Variants in MSMO1 observed in about 807,000 individuals in gnomAD.
MSMO1 encodes the protein C-4 methylsterol oxidase.
A neutral mutation model predicts 30.4 loss-of-function variants in MSMO1; 18 were observed. The ratio of observed to expected loss-of-function variants is 0.59; its 90% confidence interval spans 0.41 to 0.88. MSMO1 has a LOEUF of 0.88. Among genes scored for constraint, MSMO1 ranks in the 40% least tolerant of loss-of-function variants. The pLI, the probability that MSMO1 is intolerant of heterozygous loss-of-function variation, is 0.00. For missense variants in MSMO1, 284 were observed against 340.5 expected, an observed-to-expected ratio of 0.83 and a Z score of 1.31; for synonymous variants, 84 against 107.9, an observed-to-expected ratio of 0.78 and a Z score of 1.37.
Position 165,333,316 on chromosome 4 carries a change from TTATA to T in MSMO1, c.-31-20_-31-17del, listed in dbSNP as rs1055382368. The T allele has an allele frequency of 7.6e-5, 119 of 1,571,292 alleles. 3 individuals carry two copies. In the African/African-American group the frequency reaches 1.4e-3, roughly 18 times the overall value. On this transcript the variant is annotated intron_variant, in intron 1 of 5. Coordinates refer to ENST00000261507, the MANE Select transcript of MSMO1 (RefSeq NM_006745.5). ...TTTTGAAAGCTCATTGTTTAACTTA[TTATA>T]TATGTATTCATTTCTACAGAATTAT... is the stretch of plus-strand genomic sequence containing the variant.
rs1184902613 is a variant in MSMO1 at position 165,342,371 on chromosome 4, T to C, written c.*425T>C. 1 of 154,896 alleles carries C rather than the reference T, an allele frequency of 6.5e-6. No individual in the cohort carries two copies. The highest frequency in any genetic ancestry group is 1.4e-5 in the Non-Finnish European group (1 of 70,158). 9.6% of individuals were successfully genotyped at this position (154,896 alleles called of 1,614,324 possible). A position where few individuals can be genotyped will look rare whatever the true frequency, so the allele number is the denominator to read the frequency against. Reference sequence around the variant, plus strand: ...TTATATTTAACTTTTTTTTTATTTTTTTTTTGAGACAAAGCCACACTCTGT... The same window carrying C: ...TTATATTTAACTTTTTTTTTATTTTCTTTTTGAGACAAAGCCACACTCTGT... On this transcript the variant is annotated 3_prime_UTR_variant, in exon 6 of 6. Coordinates refer to ENST00000261507, the MANE Select transcript of MSMO1 (RefSeq NM_006745.5).
intron 1 of MSMO1, among the ~76,000 whole-genome samples, chr4:165,329,590 G>A (rs1363161883): frequency 1.5e-5 from 2 of 137,892 alleles, no homozygotes; most frequent in South Asian, 2.2e-4. Flanking sequence ...AAAAAAAAAA[G>A]GTTTATTGGA....
At position 165,333,528 on chromosome 4, in the gene MSMO1, G is replaced by T; in HGVS notation, c.158G>T (p.Gly53Val). Residue 53 changes from glycine (G) to valine (V), a missense_variant, in exon 2 of 6, where the codon GGA (glycine) becomes GTA (valine). By Grantham distance (109) the Gly-to-Val change is moderately radical. Coordinates refer to ENST00000261507, the MANE Select transcript of MSMO1 (RefSeq NM_006745.5). ...NYTKFQIATWGSLIVHEALYF... is the reference protein window; with the variant it reads ...NYTKFQIATWVSLIVHEALYF... ...ACAAAGTTCCAGATTGCAACATGGG[G>T]ATCCCTTATAGTTCATGAAGCCCTT... 1 of 1,613,428 alleles carries T rather than the reference G, an allele frequency of 6.2e-7. No individual in the cohort carries two copies. Among genetic ancestry groups the T allele is most frequent in the Admixed American group, 1.7e-5 (1 of 59,980 alleles).
Position 165,342,010 on chromosome 4 carries a change from A to G in MSMO1, c.*64A>G. On this transcript the variant is annotated 3_prime_UTR_variant, in exon 6 of 6. Transcript: ENST00000261507. The stretch of plus-strand genomic sequence containing the variant: ...CTGAATTCAGAAACTAGTAGCTAAC[A>G]TTGCTTCTGGAGAGCAGAAATAAGC... The G allele has an allele frequency of 4.5e-6, 6 of 1,342,768 alleles. No homozygotes were observed. The highest frequency in any genetic ancestry group is 3.5e-5 in the Admixed American group (2 of 56,462). The allele number at this position is 1,342,768 out of a possible 1,614,324, so 83.2% of individuals were successfully genotyped here. A position where few individuals can be genotyped will look rare whatever the true frequency, so the allele number is the denominator to read the frequency against.
At position 165,333,434 on chromosome 4, in the gene MSMO1, T is replaced by C. The variant is rs1175769434; in HGVS notation, c.64T>C (p.Ser22Pro). Residue 22 changes from serine (S) to proline (P), a missense_variant, in exon 2 of 6, where the codon TCA becomes CCA. Ser to Pro is a moderately conservative substitution (Grantham distance 74). Coordinates refer to ENST00000261507, the MANE Select transcript of MSMO1 (RefSeq NM_006745.5). ...ATCCTTGGCTGTGGAATATGTAGAT[T>C]CACTTTTACCTGAGAATCCTCTGCA... ...SASLAVEYVD[S>P]LLPENPLQEP... The C allele has an allele frequency of 6.2e-7, 1 of 1,612,170 alleles. No homozygotes were observed. The highest frequency in any genetic ancestry group is 8.5e-7 in the Non-Finnish European group (1 of 1,179,730).
intron 1 of MSMO1, among the ~76,000 whole-genome samples, chr4:165,332,908 C>T (rs1201212017): frequency 1.3e-5 from 2 of 152,180 alleles, no homozygotes; most frequent in South Asian, 2.1e-4. Context: ...TTTCTATTCC[C>T]CAGTAGGAGG....
Position 165,333,597 on chromosome 4 carries a change from C to T in MSMO1, c.227C>T (p.Pro76Leu). The T allele has an allele frequency of 6.3e-7, 1 of 1,595,820 alleles. No homozygotes were observed. The highest frequency in any genetic ancestry group is 8.5e-7 in the Non-Finnish European group (1 of 1,171,828). The stretch of plus-strand genomic sequence containing the variant: ...CCTGGATTTTTATTTCAATTTATAC[C>T]TTATATGAAAAAATACAAAATTCAA... The part of the protein sequence containing the change: ...CLPGFLFQFI[P>L]YMKKYKIQKD... Residue 76 changes from proline (P) to leucine (L), a missense_variant, in exon 2 of 6, where the codon CCT becomes CTT. Pro to Leu is a moderately conservative substitution (Grantham distance 98, BLOSUM62 -3). Coordinates refer to ENST00000261507, the MANE Select transcript of MSMO1 (RefSeq NM_006745.5).
intron 2 of MSMO1, among the ~76,000 whole-genome samples, chr4:165,336,843 A>G (rs186929019): frequency 1.3e-5 from 2 of 152,244 alleles, no homozygotes; most frequent in African/African-American, 2.4e-5. Flanking sequence ...TAACCCTTAA[A>G]GAATTTCAAG....
At position 165,338,778 on chromosome 4, in the gene MSMO1, G is replaced by C; in HGVS notation, c.531G>C (p.Gln177His). The change falls in exon 4 of 6, where the codon CAG (glutamine) becomes CAC (histidine). Residue 177 changes from glutamine (Q) to histidine (H), a missense_variant and splice_region_variant. Transcript: ENST00000261507. The stretch of plus-strand genomic sequence containing the variant: ...TTCATAAAGTTCATCATGAGTTTCA[G>C]GTATGTGAGAGTTATATTTAATTCT... ...KYIHKVHHEFQAPFGMEAEYA... is the reference protein window; with the variant it reads ...KYIHKVHHEFHAPFGMEAEYA... 1 of 1,584,032 alleles carries C rather than the reference G, an allele frequency of 6.3e-7. No individual in the cohort carries two copies. Among genetic ancestry groups the C allele is most frequent in the Non-Finnish European group, 8.7e-7 (1 of 1,153,886 alleles).
At chr4:165,329,896 A>G (rs1747344423) in intron 1 of MSMO1, among the ~76,000 whole-genome samples, 1 of 152,036 alleles carries the variant, frequency 6.6e-6, no homozygotes, top group South Asian at 2.1e-4. Flanking sequence ...AGCCTCCCAA[A>G]GTGCTGGGAT....
intron 3 of MSMO1, among the ~76,000 whole-genome samples, chr4:165,338,335 C>CAT (rs946502517): frequency 1.1e-4 from 17 of 147,902 alleles, no homozygotes; most frequent in Middle Eastern, 3.6e-3. Flanking sequence ...TATATACACA[C>CAT]ATATATATAT....
At chr4:165,329,617 C>A (rs1027582672) in intron 1 of MSMO1, among the ~76,000 whole-genome samples, 1 of 137,640 alleles carries the variant, frequency 7.3e-6, no homozygotes, top group Non-Finnish European at 1.5e-5. Flanking sequence ...AGCTGGAGAT[C>A]CATAGCGATT....
At chr4:165,339,185 A>G (rs1331088406) in intron 4 of MSMO1, among the ~76,000 whole-genome samples, 4 of 139,568 alleles carry the variant, frequency 2.9e-5, no homozygotes, top group African/African-American at 1.1e-4. Flanking sequence ...GCTCACTGCA[A>G]CCTTCACCTC....
Position 165,331,898 on chromosome 4 carries a change from T to C in MSMO1, c.-31-1442T>C, listed in dbSNP as rs535216942. ...AAAAGACATATGTCAGATTTTTTTT[T>C]CTGTCTTCCATAACACTATTTCCTA... On this transcript the variant is annotated intron_variant, in intron 1 of 5. Transcript: ENST00000261507. Among the ~76,000 whole-genome samples the C allele has an allele frequency of 3.3e-5, 5 of 152,208 alleles. No individual in the cohort carries two copies. In the South Asian group the frequency reaches 1.0e-3, roughly 32 times the overall value.
At chr4:165,339,521 A>G (rs1399444051) in intron 4 of MSMO1, among the ~76,000 whole-genome samples, 1 of 152,308 alleles carries the variant, frequency 6.6e-6, no homozygotes, top group African/African-American at 2.4e-5. Flanking sequence ...AAATATAAAT[A>G]CTTAAGTCAA....
At position 165,340,265 on chromosome 4, in the gene MSMO1, T is replaced by C. The variant is rs1747680686; in HGVS notation, c.576T>C (p.Thr192=). The change falls in exon 5 of 6, where the codon ACT becomes ACC. Residue 192 remains threonine (T), a synonymous_variant. Transcript: ENST00000261507. ...MEAEYAHPLE[T]LILGTGFFIG... ...CTGAATATGCACATCCTTTGGAGACTCTAATTCTTGGAACTGGATTTTTCA... is the reference window on the plus strand; with the variant it reads ...CTGAATATGCACATCCTTTGGAGACCCTAATTCTTGGAACTGGATTTTTCA... The C allele has an allele frequency of 3.7e-6, 6 of 1,614,028 alleles. No homozygotes were observed. Among genetic ancestry groups the C allele is most frequent in the Non-Finnish European group, 5.1e-6 (6 of 1,179,966 alleles).
chr4:165,335,854 T>G (rs1379335414), intron 2 of MSMO1, among the ~76,000 whole-genome samples: 2 of 152,236 alleles, frequency 1.3e-5, no homozygotes, highest in Non-Finnish European at 2.9e-5. Flanking sequence ...GTCCATGCTT[T>G]GAGCATTTTT....
intron 1 of MSMO1, among the ~76,000 whole-genome samples, chr4:165,329,632 T>TTTC (rs1747336653): frequency 7.9e-6 from 1 of 127,386 alleles, no homozygotes; most frequent in African/African-American, 3.1e-5. Flanking sequence ...GCGATTTTTT[T>TTTC]TTTTTTTTTT....
rs2126619452 is a variant in MSMO1 at position 165,333,392 on chromosome 4, A to G, written c.22A>G (p.Ser8Gly). Residue 8 changes from serine (S) to glycine (G), a missense_variant, in exon 2 of 6, where the codon AGC becomes GGC. Physicochemically the swap from Ser to Gly is moderately conservative, Grantham distance 56. Transcript: ENST00000261507. ...AAAAATGGCAACAAATGAAAGTGTCAGCATCTTTAGTTCAGCATCCTTGGC... is the reference window on the plus strand; with the variant it reads ...AAAAATGGCAACAAATGAAAGTGTCGGCATCTTTAGTTCAGCATCCTTGGC... MATNESV[S>G]IFSSASLAVE... 1.9e-6 allele frequency: 3 copies of G among 1,611,932 alleles called. No individual in the cohort carries two copies. Among genetic ancestry groups the G allele is most frequent in the East Asian group, 4.5e-5 (2 of 44,786 alleles).
Sources: gnomAD v4.1 joint callset for allele counts (sites outside exome capture counted in the v4.1 genomes callset) on GRCh38, gnomAD v4.1.1 for gene constraint, MANE v1.5 for transcripts, NCBI Gene and HGNC (gene_info 2026-07-23, HGNC 2026-07-21) for gene names.